Variants in SSBP3 observed in about 807,000 individuals in gnomAD.
SSBP3 encodes single stranded DNA binding protein 3, also known as single-stranded DNA-binding protein 3.
SSBP3 carries 5 observed loss-of-function variants against 69.6 expected under a neutral mutation model. That is an observed-to-expected ratio of 0.07 (90% CI 0.04 to 0.15). The LOEUF is 0.15. Among genes scored for constraint, SSBP3 ranks in the 10% least tolerant of loss-of-function variants. SSBP3 has a pLI of 1.00. For synonymous variants in SSBP3, 196 were observed against 193.4 expected (o/e 1.01, Z -0.11); for missense variants, 312 against 534.0 (o/e 0.58, Z 4.10).
At chr1:54,240,796 G>A (rs926587089) in intron 13 of SSBP3, 109 bp downstream of exon 13, 15 of 1,417,140 alleles carry the variant, frequency 1.1e-5, no homozygotes, top group African/African-American at 7.1e-5. Flanking sequence ...TGCCCAGGAA[G>A]GAGTGGCTGG....
intron 4 of SSBP3, among the ~76,000 whole-genome samples, chr1:54,288,040 G>A (rs762700261): frequency 2.0e-5 from 3 of 152,136 alleles, no homozygotes; most frequent in Non-Finnish European, 4.4e-5. Flanking sequence ...ACCAATGGAC[G>A]GCCCTGGGTC....
intron 9 of SSBP3, among the ~76,000 whole-genome samples, chr1:54,247,462 G>A (rs751583673): frequency 1.3e-5 from 2 of 152,136 alleles, no homozygotes; most frequent in Non-Finnish European, 2.9e-5. Context: ...TTCCTCACCA[G>A]CTCGGGGTGC....
chr1:54,370,397 T>C (rs1390843550), intron 4 of SSBP3, among the ~76,000 whole-genome samples: 1 of 152,172 alleles, frequency 6.6e-6, no homozygotes, highest in Non-Finnish European at 1.5e-5. Flanking sequence ...CTGAAAATAA[T>C]TCTGAACCCG....
intron 4 of SSBP3, chr1:54,287,198 G>C (rs1429679825): frequency 6.6e-6 from 1 of 152,220 alleles, no homozygotes; most frequent in African/African-American, 2.4e-5. Flanking sequence ...CAAATGCTCA[G>C]AGGGAAATGT....
intron 4 of SSBP3, among the ~76,000 whole-genome samples, chr1:54,311,573 A>G (rs1035988040): frequency 6.6e-6 from 1 of 152,150 alleles, no homozygotes; most frequent in Non-Finnish European, 1.5e-5. Context: ...CATGGGGCCC[A>G]TTGAGAGCAT....
chr1:54,404,537 C>G (rs1332326638), intron 3 of SSBP3, 39 bp downstream of exon 3: 1 of 1,610,808 alleles, frequency 6.2e-7, no homozygotes, highest in South Asian at 1.1e-5. Flanking sequence ...GGGCTCACAA[C>G]AAAACAAACA....
At chr1:54,248,765 C>G (rs1056816396) in intron 9 of SSBP3, among the ~76,000 whole-genome samples, 4 of 152,208 alleles carry the variant, frequency 2.6e-5, no homozygotes, top group Non-Finnish European at 5.9e-5. Flanking sequence ...CCAGTGCAGA[C>G]ACCCTGGGTT....
chr1:54,229,557 G>A (rs1279462656), intron 14 of SSBP3, among the ~76,000 whole-genome samples: 1 of 152,148 alleles, frequency 6.6e-6, no homozygotes, highest in African/African-American at 2.4e-5. Context: ...TGTTGGTGTG[G>A]CAGATGAGGG....
chr1:54,283,727 T>C (rs1645437423), intron 4 of SSBP3, among the ~76,000 whole-genome samples: 1 of 152,214 alleles, frequency 6.6e-6, no homozygotes, highest in Non-Finnish European at 1.5e-5. Context: ...CTGCTAACCA[T>C]CCTGTAATGT....
Position 54,299,502 on chromosome 1 carries a change from C to CT in SSBP3, c.277-17976dup, listed in dbSNP as rs35333516. Among the ~76,000 whole-genome samples the CT allele has an allele frequency of 1.8e-3, 266 of 145,844 alleles. 1 individual carries two copies. The highest frequency in any genetic ancestry group is 2.6e-3 in the Non-Finnish European group (172 of 66,076). On this transcript the variant is annotated intron_variant, in intron 4 of 17. Coordinates refer to ENST00000610401, the Ensembl canonical transcript of SSBP3. ...CTGTCGATAATTTGGATAGAGGTGG[C>CT]TTTTTTTTTTTTTAATGCATTACAC...
chr1:54,384,105 C>CAAAAAAAAAAAAAAAAAAA (rs34137070), intron 4 of SSBP3, among the ~76,000 whole-genome samples: 2 of 94,116 alleles, frequency 2.1e-5, no homozygotes, highest in Non-Finnish European at 4.2e-5. Flanking sequence ...GACTCCATCT[C>CAAAAAAAAAAAAAAAAAAA]AAAAAAAAAA....
chr1:54,281,819 G>A (rs755293629), intron 4 of SSBP3, among the ~76,000 whole-genome samples: 20 of 152,096 alleles, frequency 1.3e-4, no homozygotes, highest in African/African-American at 3.4e-4. Context: ...TGGGAGGGCC[G>A]GATGTGGTGG....
At chr1:54,345,221 C>T (rs748196058) in intron 4 of SSBP3, among the ~76,000 whole-genome samples, 13 of 152,188 alleles carry the variant, frequency 8.5e-5, no homozygotes, top group Non-Finnish European at 1.5e-4. Flanking sequence ...TAGAAACTAA[C>T]TTACACTTGG....
chr1:54,340,991 G>C lies in SSBP3; in HGVS notation c.277-59464C>G, dbSNP rs1437629275. Among the ~76,000 whole-genome samples the C allele has an allele frequency of 2.0e-5, 3 of 152,224 alleles. No homozygotes were observed. The South Asian group carries it at 6.2e-4, about 32-fold the overall frequency. Reference sequence around the variant, plus strand: ...TTCAATCCCACCTCTGCTGTGTTTTGAGACCAGCAACTTAAGTTCCTCAAG... The same window carrying C: ...TTCAATCCCACCTCTGCTGTGTTTTCAGACCAGCAACTTAAGTTCCTCAAG... On this transcript the variant is annotated intron_variant, in intron 4 of 17. Transcript: ENST00000610401.
intron 4 of SSBP3, among the ~76,000 whole-genome samples, chr1:54,306,497 T>TCTTA (rs2100230909): frequency 6.6e-6 from 1 of 152,276 alleles, no homozygotes; most frequent in South Asian, 2.1e-4. Context: ...CATCTTCAAC[T>TCTTA]CTTACCTCGG....
At chr1:54,236,334 C>T (rs1274111461) in intron 14 of SSBP3, 1 of 152,184 alleles carries the variant, frequency 6.6e-6, no homozygotes, top group Non-Finnish European at 1.5e-5. Flanking sequence ...CCAGGCTGGT[C>T]TTTAACTCCC....
chr1:54,292,852 A>G (rs1645633305), intron 4 of SSBP3, among the ~76,000 whole-genome samples: 2 of 152,032 alleles, frequency 1.3e-5, no homozygotes, highest in Admixed American at 6.6e-5. Context: ...GCCATTCTAG[A>G]TAACTCAGAT....
At chr1:54,303,392 G>A (rs1316670366) in intron 4 of SSBP3, among the ~76,000 whole-genome samples, 2 of 151,802 alleles carry the variant, frequency 1.3e-5, no homozygotes, top group African/African-American at 4.9e-5. Flanking sequence ...GGGGCAGGGG[G>A]CAGGCCCTGG....
At chr1:54,396,213 A>AAAAAAAAAAAC (rs1648869432) in intron 4 of SSBP3, among the ~76,000 whole-genome samples, 1 of 148,896 alleles carries the variant, frequency 6.7e-6, no homozygotes, top group African/African-American at 2.4e-5. Flanking sequence ...AAAAAAAAAA[A>AAAAAAAAAAAC]AAAAAACAAC....
Sources: gnomAD v4.1 joint callset for allele counts (sites outside exome capture counted in the v4.1 genomes callset) on GRCh38, gnomAD v4.1.1 for gene constraint, MANE v1.5 for transcripts, NCBI Gene and HGNC (gene_info 2026-07-23, HGNC 2026-07-21) for gene names.